TBC1D22A: variants seen among roughly 807,000 people sequenced by gnomAD.
TBC1D22A encodes the protein putative GTPase activator.
A neutral mutation model predicts 60.2 loss-of-function variants in TBC1D22A; 38 were observed. The ratio of observed to expected loss-of-function variants is 0.63; its 90% CI spans 0.49 to 0.83. The LOEUF (loss-of-function observed/expected upper bound fraction) is 0.83. Ranked by LOEUF, TBC1D22A falls within the 40% of genes least tolerant of loss-of-function variation. TBC1D22A has a pLI of 0.00. For missense variants in TBC1D22A, 628 were observed against 701.0 expected, an observed-to-expected ratio of 0.90 and a Z score of 1.18; for synonymous variants, 302 against 281.7, an observed-to-expected ratio of 1.07 and a Z score of -0.72.
At chr22:46,792,932 C>A in intron 2 of TBC1D22A, 2 of 1,298,796 alleles carry the variant, frequency 1.5e-6, no homozygotes, top group Non-Finnish European at 2.0e-6. Flanking sequence ...TGCTGGAGCC[C>A]GGCCCTGGCC....
At chr22:47,039,106 T>C (rs1556020114) in intron 11 of TBC1D22A, among the ~76,000 whole-genome samples, 2 of 152,254 alleles carry the variant, frequency 1.3e-5, no homozygotes, top group Middle Eastern at 3.4e-3. Context: ...AGCCAGAAAA[T>C]GGATCGGCTT....
In TBC1D22A at chr22:47,171,756, G is replaced by A. The variant is rs548500822; in HGVS notation, c.1426-1742G>A. 7.6e-4 allele frequency among the ~76,000 whole-genome samples: 115 copies of A among 152,248 alleles called. 1 individual carries two copies. In the South Asian group the frequency reaches 0.013, roughly 17 times the overall value. On this transcript the variant is annotated intron_variant, in intron 12 of 12. Coordinates refer to ENST00000337137, the MANE Select transcript of TBC1D22A (RefSeq NM_014346.5). ...GGCTGTCAGGCGGTGGTCGTGGGGG[G>A]TCCCCCGAGGACCTGTGCTTTTCCT...
intron 8 of TBC1D22A, among the ~76,000 whole-genome samples, chr22:46,960,313 C>T (rs897209635): frequency 3.3e-5 from 5 of 151,820 alleles, no homozygotes; most frequent in Non-Finnish European, 7.4e-5. Context: ...CCAGGCTGGA[C>T]TGCAGCGGCA....
chr22:47,025,310 A>T (rs1019368697), intron 10 of TBC1D22A, among the ~76,000 whole-genome samples: 1 of 152,234 alleles, frequency 6.6e-6, no homozygotes, highest in Non-Finnish European at 1.5e-5. Flanking sequence ...AATTTTGCAC[A>T]TGGAACATTT....
At chr22:47,096,902 CA>C (rs1195365385) in intron 11 of TBC1D22A, among the ~76,000 whole-genome samples, 2 of 152,252 alleles carry the variant, frequency 1.3e-5, no homozygotes, top group Non-Finnish European at 2.9e-5. Flanking sequence ...CTTTCTCCCC[CA>C]CCCTCAGTTC....
At chr22:46,904,142 T>TCTATCTATCTATCTGCCTAC (rs57116517) in intron 7 of TBC1D22A, among the ~76,000 whole-genome samples, 2,304 of 134,534 alleles carry the variant, frequency 0.017, 49 homozygotes, top group Middle Eastern at 0.03. Context: ...TATCTATCTA[T>TCTATCTATCTATCTGCCTAC]CTACCTACCT....
intron 8 of TBC1D22A, among the ~76,000 whole-genome samples, chr22:46,936,998 T>TG (rs139910831): frequency 6.6e-6 from 1 of 152,012 alleles, no homozygotes; most frequent in Non-Finnish European, 1.5e-5. Flanking sequence ...GGCTTTTTTG[T>TG]GGGGGGCAGT....
At chr22:46,831,211 A>G (rs1318408380) in intron 4 of TBC1D22A, among the ~76,000 whole-genome samples, 4 of 152,154 alleles carry the variant, frequency 2.6e-5, no homozygotes, top group Non-Finnish European at 4.4e-5. Flanking sequence ...ACATTTCCAT[A>G]GGAGGGAGGA....
rs367612752 is a variant in TBC1D22A at position 47,013,527 on chromosome 22, T to C, written c.1201+15818T>C. Reference sequence around the variant, plus strand: ...TTCCCAAAGTCGTTGCTGATCATGGTTACAAGTAGCTAGAGAGACTGTGTC... The same window carrying C: ...TTCCCAAAGTCGTTGCTGATCATGGCTACAAGTAGCTAGAGAGACTGTGTC... On this transcript the variant is annotated intron_variant, in intron 10 of 12. Coordinates refer to ENST00000337137, the MANE Select transcript of TBC1D22A (RefSeq NM_014346.5). 7.9e-5 allele frequency among the ~76,000 whole-genome samples: 12 copies of C among 152,332 alleles called. No homozygotes were observed. In the East Asian group the frequency reaches 2.3e-3, roughly 29 times the overall value.
chr22:47,095,339 T>G (rs1013492041), intron 11 of TBC1D22A, among the ~76,000 whole-genome samples: 2 of 152,236 alleles, frequency 1.3e-5, no homozygotes, highest in Admixed American at 1.3e-4. Flanking sequence ...AGGCCATTTG[T>G]TTTTATTTCG....
intron 11 of TBC1D22A, among the ~76,000 whole-genome samples, chr22:47,060,147 A>G (rs1224272802): frequency 6.6e-6 from 1 of 151,778 alleles, no homozygotes; most frequent in African/African-American, 2.4e-5. Context: ...TATCATTAAA[A>G]CCAGGATGCC....
chr22:47,146,824 G>A (rs1053872750), intron 12 of TBC1D22A, among the ~76,000 whole-genome samples: 4 of 152,256 alleles, frequency 2.6e-5, no homozygotes, highest in Admixed American at 6.5e-5. Flanking sequence ...CTCCTCTGTC[G>A]TCTAGCTGCA....
At chr22:47,104,868 C>T (rs1400682242) in intron 11 of TBC1D22A, among the ~76,000 whole-genome samples, 1 of 152,130 alleles carries the variant, frequency 6.6e-6, no homozygotes, top group Non-Finnish European at 1.5e-5. Context: ...TCAACTAGAA[C>T]ATGTATAAAT....
chr22:46,768,585 G>C (rs1022407522), intron 1 of TBC1D22A, among the ~76,000 whole-genome samples: 5 of 152,068 alleles, frequency 3.3e-5, no homozygotes, highest in African/African-American at 9.7e-5. Context: ...GCTCCCGAAG[G>C]GCTGTTGCTT....
chr22:47,069,717 T>A (rs34903546), intron 11 of TBC1D22A, among the ~76,000 whole-genome samples: 4,541 of 63,948 alleles, frequency 0.071, 840 homozygotes, highest in East Asian at 0.14. Context: ...CTGACGGTCC[T>A]GGCTGTTCCC....
At chr22:46,825,364 G>C (rs1026258070) in intron 4 of TBC1D22A, among the ~76,000 whole-genome samples, 2 of 152,132 alleles carry the variant, frequency 1.3e-5, no homozygotes, top group Non-Finnish European at 2.9e-5. Flanking sequence ...ACCCGCAATG[G>C]CTCTGCCTTT....
At chr22:46,847,176 G>C (rs73182693) in intron 4 of TBC1D22A, among the ~76,000 whole-genome samples, 522 of 152,334 alleles carry the variant, frequency 3.4e-3, no homozygotes, top group Non-Finnish European at 5.6e-3. Context: ...GCCTAACCTG[G>C]AGGCATTTGG....
At chr22:47,092,797 G>GA (rs1248464035) in intron 11 of TBC1D22A, among the ~76,000 whole-genome samples, 4 of 152,196 alleles carry the variant, frequency 2.6e-5, no homozygotes, top group African/African-American at 7.2e-5. Flanking sequence ...TTGCTTCAAA[G>GA]AAAAAATAAT....
chr22:46,923,581 C>T (rs977911882), intron 8 of TBC1D22A, among the ~76,000 whole-genome samples: 3 of 152,254 alleles, frequency 2.0e-5, no homozygotes, highest in East Asian at 1.9e-4. Context: ...GGTTCCAGCC[C>T]GTCCTTTGAG....
Sources: gnomAD v4.1 joint callset for allele counts (sites outside exome capture counted in the v4.1 genomes callset) on GRCh38, gnomAD v4.1.1 for gene constraint, MANE v1.5 for transcripts, NCBI Gene and HGNC (gene_info 2026-07-23, HGNC 2026-07-21) for gene names.